The following N4BP2L2 variants were observed in gnomAD, a reference collection of about 807,000 sequenced individuals.
The protein encoded by N4BP2L2 is NEDD4 binding protein 2 like 2, also known as NEDD4-binding protein 2-like 2.
N4BP2L2 carries 50 observed loss-of-function variants against 56.2 expected under a neutral mutation model. The observed-to-expected ratio is 0.89, with a 90% confidence interval of 0.71 to 1.13. The LOEUF (loss-of-function observed/expected upper bound fraction) is 1.13. Ranked by LOEUF, N4BP2L2 falls within the 50% of genes most tolerant of loss-of-function variation. N4BP2L2 has a pLI of 0.00. For missense variants in N4BP2L2, 689 were observed against 693.8 expected (o/e 0.99, Z 0.08); for synonymous variants, 203 against 223.6 (o/e 0.91, Z 0.82).
rs71436483 is a variant in N4BP2L2 at position 32,492,001 on chromosome 13, T to A, written c.365+25856A>T. Among the ~76,000 whole-genome samples the A allele has an allele frequency of 8.1e-3, 1,229 of 152,262 alleles. 7 individuals are homozygous for A. The highest frequency in any genetic ancestry group is 0.011 in the Non-Finnish European group (767 of 68,012). Reference sequence around the variant, plus strand: ...TGAGTTATTATGGAATTTGCATACATAGAAAAAAGATTTCCTTTGTAAGAA... The same window carrying A: ...TGAGTTATTATGGAATTTGCATACAAAGAAAAAAGATTTCCTTTGTAAGAA... On this transcript the variant is annotated intron_variant, in intron 6 of 9. Transcript: ENST00000357505.
At chr13:32,504,322 T>C (rs780630526) in intron 6 of N4BP2L2, among the ~76,000 whole-genome samples, 3 of 152,192 alleles carry the variant, frequency 2.0e-5, no homozygotes, top group Non-Finnish European at 2.9e-5. Flanking sequence ...TTCTGAAGGC[T>C]AGATGTCCAA....
intron 6 of N4BP2L2, among the ~76,000 whole-genome samples, chr13:32,492,254 C>T (rs368299700): frequency 7.5e-5 from 11 of 147,066 alleles, no homozygotes; most frequent in African/African-American, 2.5e-4. Context: ...TTATTTTCTA[C>T]ACATCCCAAA....
intron 3 of N4BP2L2, chr13:32,525,186 T>C (rs945859293): frequency 6.6e-6 from 1 of 152,152 alleles, no homozygotes. Context: ...CCCCTTACCT[T>C]TAGGCCAGTA....
chr13:32,522,405 C>A, intron 3 of N4BP2L2, 135 bp from the exon 4 acceptor site: 1 of 489,270 alleles, frequency 2.0e-6, no homozygotes, highest in Non-Finnish European at 3.4e-6. Context: ...CAGTCAGTAT[C>A]ATGAAAAAAA....
chr13:32,520,181 G>C (rs2050405258), intron 5 of N4BP2L2, among the ~76,000 whole-genome samples: 1 of 151,956 alleles, frequency 6.6e-6, no homozygotes, highest in South Asian at 2.1e-4. Flanking sequence ...AGGTAGAAGG[G>C]GAAAAACTGG....
At chr13:32,435,201 C>T (rs2075333862) in intron 9 of N4BP2L2, among the ~76,000 whole-genome samples, 2 of 152,162 alleles carry the variant, frequency 1.3e-5, no homozygotes, top group East Asian at 1.9e-4. Flanking sequence ...GCTATATCTT[C>T]AGTGTCTGAC....
rs545131696 is a variant in N4BP2L2 at position 32,538,398 on chromosome 13, C to T, written c.-1+220G>A. ...ATCCGAGCCCCATGCCTCCAGACTT[C>T]CAGAGTGAGCGACCCGGGCAAAAGT... On this transcript the variant is annotated intron_variant, in intron 1 of 5. Transcript: ENST00000267068. Among the ~76,000 whole-genome samples, 6 of 152,260 alleles carry T rather than the reference C, an allele frequency of 3.9e-5. No individual in the cohort carries two copies. In the East Asian group the frequency reaches 9.7e-4, roughly 25 times the overall value.
At chr13:32,490,390 C>T (rs546256877) in intron 6 of N4BP2L2, among the ~76,000 whole-genome samples, 2 of 152,180 alleles carry the variant, frequency 1.3e-5, no homozygotes, top group South Asian at 4.2e-4. Flanking sequence ...CTGCAACCTC[C>T]GTCTCCCAGG....
chr13:32,501,999 A>G lies in N4BP2L2; in HGVS notation c.365+15858T>C, dbSNP rs528584254. Among the ~76,000 whole-genome samples, 5 of 152,122 alleles carry G rather than the reference A, an allele frequency of 3.3e-5. No individual in the cohort carries two copies. In the East Asian group the frequency reaches 5.8e-4, roughly 18 times the overall value. On this transcript the variant is annotated intron_variant, in intron 6 of 9. Coordinates refer to the N4BP2L2 transcript ENST00000357505. ...TAATCCATCTATGCCAATGAGGAATATATCTTTGATAAATTCGATAATGAA... is the reference window on the plus strand; with the variant it reads ...TAATCCATCTATGCCAATGAGGAATGTATCTTTGATAAATTCGATAATGAA...
intron 6 of N4BP2L2, chr13:32,478,687 C>A (rs1296956008): frequency 1.3e-5 from 2 of 152,218 alleles, no homozygotes; most frequent in African/African-American, 2.4e-5. Context: ...GAGACATTAA[C>A]CCATCTGGAA....
rs149243597 is a variant in N4BP2L2, at chr13:32,460,915, A to T, written c.366-16789T>A. Among the ~76,000 whole-genome samples, 27 of 152,342 alleles carry T rather than the reference A, an allele frequency of 1.8e-4. 1 individual carries two copies. In the East Asian group the frequency reaches 4.6e-3, roughly 26 times the overall value. On this transcript the variant is annotated intron_variant, in intron 6 of 9. Coordinates refer to the N4BP2L2 transcript ENST00000357505. ...GCATGATATTGGTATAAAAATAGAC[A>T]TATCAACCAATAGAACAGAATAGAG...
intron 6 of N4BP2L2, among the ~76,000 whole-genome samples, chr13:32,488,587 T>C (rs2086396723): frequency 6.6e-6 from 1 of 152,178 alleles, no homozygotes; most frequent in South Asian, 2.1e-4. Flanking sequence ...AAATTATAAA[T>C]TATCATCCCA....
intron 6 of N4BP2L2, among the ~76,000 whole-genome samples, chr13:32,450,068 C>T (rs932602532): frequency 2.0e-5 from 3 of 152,134 alleles, no homozygotes; most frequent in Admixed American, 6.5e-5. Context: ...TAATATGGAA[C>T]ACCACATCCA....
chr13:32,454,380 C>T (rs1368375212), intron 6 of N4BP2L2, among the ~76,000 whole-genome samples: 1 of 151,872 alleles, frequency 6.6e-6, no homozygotes, highest in Non-Finnish European at 1.5e-5. Flanking sequence ...AGTCACTAAA[C>T]AAACAACAGT....
chr13:32,532,752 AG>A (rs1420721952), intron 2 of N4BP2L2, among the ~76,000 whole-genome samples: 1 of 151,228 alleles, frequency 6.6e-6, no homozygotes, highest in African/African-American at 2.4e-5. Context: ...CACCACGCCC[AG>A]CTCATTTTTG....
intron 2 of N4BP2L2, among the ~76,000 whole-genome samples, chr13:32,530,649 A>G (rs778558289): frequency 6.6e-6 from 1 of 152,178 alleles, no homozygotes; most frequent in Admixed American, 6.5e-5. Context: ...TCCTCATAAA[A>G]GCCTGCCAAT....
At chr13:32,460,566 C>A (rs982186507) in intron 6 of N4BP2L2, among the ~76,000 whole-genome samples, 1 of 151,846 alleles carries the variant, frequency 6.6e-6, no homozygotes, top group Non-Finnish European at 1.5e-5. Context: ...CCTACACACA[C>A]AAAAATGGAA....
exon 6 of N4BP2L2, chr13:32,516,299 C>T (rs1294091121): frequency 3.3e-5 from 5 of 152,108 alleles, no homozygotes; most frequent in African/African-American, 9.7e-5. Context: ...ACACACAAAA[C>T]ATGAATTAGC....
At chr13:32,487,889 G>A (rs973526197) in intron 6 of N4BP2L2, among the ~76,000 whole-genome samples, 11 of 149,616 alleles carry the variant, frequency 7.4e-5, no homozygotes, top group Admixed American at 1.3e-4. Context: ...CGGAGTTTTC[G>A]CTCTTGTTGC....
Sources: allele counts gnomAD v4.1 joint callset (sites outside exome capture counted in the v4.1 genomes callset), GRCh38; gene constraint gnomAD v4.1.1; transcripts MANE v1.5; gene names NCBI Gene and HGNC (gene_info 2026-07-23, HGNC 2026-07-21).